Variants in MYRFL observed in about 807,000 individuals in gnomAD.
The protein encoded by MYRFL is myelin regulatory factor-like protein.
A neutral mutation model predicts 109.4 loss-of-function variants in MYRFL; 88 were observed. That is an observed-to-expected ratio of 0.80 (90% CI 0.68 to 0.96). The LOEUF is 0.96. MYRFL is among the 40% of genes least tolerant of loss of function. The pLI is 0.00. For missense variants in MYRFL, 957 were observed against 954.9 expected (o/e 1.00, Z -0.03); for synonymous variants, 324 against 320.9 (o/e 1.01, Z -0.10).
intron 2 of MYRFL, among the ~76,000 whole-genome samples, chr12:69,858,052 G>A (rs1339460061): frequency 2.0e-5 from 3 of 151,456 alleles, no homozygotes; most frequent in Non-Finnish European, 4.4e-5. Context: ...CTGTTAGTTT[G>A]CTGATAATTT....
intron 1 of MYRFL, among the ~76,000 whole-genome samples, chr12:69,826,029 G>A (rs77918123): frequency 2.5e-4 from 38 of 152,168 alleles, no homozygotes; most frequent in African/African-American, 8.4e-4. Context: ...GCAGCACATC[G>A]AGAAAAGTGC....
intron 2 of MYRFL, among the ~76,000 whole-genome samples, chr12:69,868,982 TCACACATGCACA>T (rs1252837333): frequency 5.3e-5 from 8 of 151,726 alleles, no homozygotes; most frequent in African/African-American, 9.7e-5. Flanking sequence ...ACACATGCAC[TCACACATGCACA>T]CACACATGCA....
intron 7 of MYRFL, among the ~76,000 whole-genome samples, chr12:69,893,004 T>TTA (rs953699007): frequency 4.6e-5 from 7 of 152,358 alleles, no homozygotes; most frequent in South Asian, 2.1e-4. Context: ...ATTAATTCCC[T>TTA]TATTATTAGA....
intron 19 of MYRFL, among the ~76,000 whole-genome samples, chr12:69,941,877 CA>C (rs879461932): frequency 0.018 from 2,759 of 149,976 alleles, 44 homozygotes; most frequent in Middle Eastern, 0.042. Context: ...CACAGAAATA[CA>C]AACTACCATC....
intron 1 of MYRFL, among the ~76,000 whole-genome samples, chr12:69,852,313 A>G (rs1023168987): frequency 1.3e-5 from 2 of 152,100 alleles, no homozygotes; most frequent in African/African-American, 4.8e-5. Flanking sequence ...AAGGCCTTTC[A>G]TAGAGTTTTT....
chr12:69,946,271 G>T (rs1439160843), intron 19 of MYRFL, among the ~76,000 whole-genome samples: 1 of 152,038 alleles, frequency 6.6e-6, no homozygotes, highest in Non-Finnish European at 1.5e-5. Context: ...CTGCTTCTTT[G>T]ACTACAAATG....
At chr12:69,944,540 T>TG (rs1275898958) in intron 19 of MYRFL, among the ~76,000 whole-genome samples, 2 of 68,282 alleles carry the variant, frequency 2.9e-5, no homozygotes, top group Admixed American at 1.8e-4. Context: ...GTTGTGGGGT[T>TG]GGGGGAGGGG....
intron 5 of MYRFL, among the ~76,000 whole-genome samples, chr12:69,881,751 C>T (rs910457109): frequency 2.0e-5 from 3 of 152,190 alleles, no homozygotes; most frequent in Admixed American, 6.5e-5. Flanking sequence ...AGTTGTTCAC[C>T]ATTTTTTTTC....
chr12:69,872,498 T>TA (rs201962246), intron 2 of MYRFL, among the ~76,000 whole-genome samples: 6 of 151,644 alleles, frequency 4.0e-5, no homozygotes, highest in African/African-American at 1.2e-4. Context: ...TAATCTTAAA[T>TA]AAAAAAAATT....
intron 19 of MYRFL, among the ~76,000 whole-genome samples, chr12:69,945,305 A>AG (rs111348951): frequency 0.12 from 17,656 of 152,216 alleles, 1,261 homozygotes; most frequent in Non-Finnish European, 0.16. Context: ...AGCAACTTCC[A>AG]GCCCTGTAAG....
chr12:69,887,790 A>G (rs1886549452), intron 6 of MYRFL, among the ~76,000 whole-genome samples: 1 of 152,206 alleles, frequency 6.6e-6, no homozygotes, highest in Admixed American at 6.5e-5. Flanking sequence ...AGTTAAACAG[A>G]CTTTGGGAGT....
chr12:69,880,949 C>CCGTTTTTTTTTTTTTT (rs1379691821), intron 5 of MYRFL, among the ~76,000 whole-genome samples: 1 of 30,228 alleles, frequency 3.3e-5, no homozygotes. Flanking sequence ...GTCAGCCTTC[C>CCGTTTTTTTTTTTTTT]TGTTTTTTTT....
chr12:69,938,984 C>T (rs1039708099), intron 19 of MYRFL, among the ~76,000 whole-genome samples: 5 of 152,166 alleles, frequency 3.3e-5, no homozygotes, highest in African/African-American at 7.2e-5. Flanking sequence ...GCATTTCCGA[C>T]GGGCTTAAAA....
intron 10 of MYRFL, among the ~76,000 whole-genome samples, chr12:69,902,275 T>G (rs190302790): frequency 1.3e-3 from 203 of 152,292 alleles, no homozygotes; most frequent in African/African-American, 4.5e-3. Flanking sequence ...GGGATTGAAT[T>G]AGGAAATTGA....
intron 1 of MYRFL, among the ~76,000 whole-genome samples, chr12:69,845,513 G>C (rs1883474498): frequency 6.6e-6 from 1 of 152,098 alleles, no homozygotes. Context: ...TTTCATCTTA[G>C]CTCATGTCAA....
At chr12:69,830,404 T>C (rs958215817) in intron 1 of MYRFL, among the ~76,000 whole-genome samples, 1 of 150,600 alleles carries the variant, frequency 6.6e-6, no homozygotes, top group Non-Finnish European at 1.5e-5. Context: ...TTTTTGGAGG[T>C]TTCTATGGAT....
At chr12:69,889,909 T>C (rs1432279909) in intron 6 of MYRFL, among the ~76,000 whole-genome samples, 1 of 152,026 alleles carries the variant, frequency 6.6e-6, no homozygotes, top group Non-Finnish European at 1.5e-5. Context: ...TTTTCAGATT[T>C]GGGATGCTCA....
At chr12:69,890,872 A>G in intron 6 of MYRFL, 99 bp from the exon 7 acceptor site, 1 of 861,590 alleles carries the variant, frequency 1.2e-6, no homozygotes, top group Non-Finnish European at 1.6e-6. Flanking sequence ...CACTTTTCAC[A>G]GTACGTTTTC....
At chr12:69,835,450 A>T (rs1882875318) in intron 1 of MYRFL, among the ~76,000 whole-genome samples, 1 of 152,214 alleles carries the variant, frequency 6.6e-6, no homozygotes, top group Admixed American at 6.5e-5. Context: ...CAACTCATAT[A>T]TTTAACCGCT....
Sources: allele counts gnomAD v4.1 joint callset (sites outside exome capture counted in the v4.1 genomes callset), GRCh38; gene constraint gnomAD v4.1.1; transcripts MANE v1.5; gene names NCBI Gene and HGNC (gene_info 2026-07-23, HGNC 2026-07-21).